JAK2: variants seen among roughly 807,000 people sequenced by gnomAD.
JAK2 encodes Janus kinase 2.
In JAK2, 86 loss-of-function variants were observed where a neutral mutation model predicts 139.3. The observed-to-expected ratio is 0.62, with a 90% CI of 0.52 to 0.74. The LOEUF (loss-of-function observed/expected upper bound fraction) is 0.74, where lower values mean the gene tolerates loss of function less well. JAK2 is among the 30% of genes least tolerant of loss of function. The pLI is 0.00. For synonymous variants in JAK2, 490 were observed against 437.7 expected (o/e 1.12, Z -1.49); for missense variants, 1,421 against 1,360.3 (o/e 1.04, Z -0.70).
chr9:5,121,070 A>T (rs966871), intron 22 of JAK2, among the ~76,000 whole-genome samples: 58,519 of 152,016 alleles, frequency 0.38, 12,870 homozygotes, highest in African/African-American at 0.62. Context: ...AATCTGATGA[A>T]GAGACCCTGG....
At chr9:5,090,391 T>C (rs1820485673) in intron 20 of JAK2, 55 bp from the exon 21 acceptor site, 23 of 1,263,990 alleles carry the variant, frequency 1.8e-5, no homozygotes, top group Non-Finnish European at 2.4e-5. Context: ...TTTTCTAATA[T>C]TTAATCAGTA....
At position 5,061,226 on chromosome 9, in the gene JAK2, C is replaced by T. The variant is rs547894345; in HGVS notation, c.1057-3657C>T. On this transcript the variant is annotated intron_variant, in intron 8 of 24. Coordinates refer to ENST00000381652, the MANE Select transcript of JAK2 (RefSeq NM_004972.4). ...ATGAGCGCTGGTTTGAATTTCAAGT[C>T]ACCAATGGCATAGGCCCTTAGCAAG... Among the ~76,000 whole-genome samples, 3 of 152,342 alleles carry T rather than the reference C, an allele frequency of 2.0e-5. No homozygotes were observed. The South Asian group carries it at 6.2e-4, about 32-fold the overall frequency.
upstream of JAK2, chr9:4,984,955 G>T (rs973264256): frequency 3.3e-5 from 5 of 152,280 alleles, no homozygotes; most frequent in Non-Finnish European, 7.3e-5. Context: ...CGCGCTCGCC[G>T]GCTTCCCGAG....
At chr9:5,078,179 C>A (rs1176477747) in intron 15 of JAK2, 127 bp from the exon 16 acceptor site, 2 of 692,146 alleles carry the variant, frequency 2.9e-6, no homozygotes, top group South Asian at 5.2e-5. Context: ...TTTCTCAATG[C>A]ATGCCTCCAA....
chr9:5,115,153 G>C (rs1488466328), intron 22 of JAK2, among the ~76,000 whole-genome samples: 1 of 152,050 alleles, frequency 6.6e-6, no homozygotes, highest in Non-Finnish European at 1.5e-5. Context: ...AAAATTTTTT[G>C]CAATCTAGCC....
In JAK2 at chr9:5,109,443, T is replaced by C. The variant is rs150477168; in HGVS notation, c.3060-13561T>C. 9.2e-4 allele frequency: 140 copies of C among 152,264 alleles called. 1 individual carries two copies. The highest frequency in any genetic ancestry group is 3.1e-3 in the African/African-American group (130 of 41,528). The allele number at this position is 152,264 out of a possible 1,614,324, so 9.4% of individuals were successfully genotyped here. On this transcript the variant is annotated intron_variant, in intron 22 of 24. Transcript: ENST00000381652. Reference sequence around the variant, plus strand: ...CTCAACTTTTAAAGGATTGGAGTCATCCGTTGGCCTTAGGAACCAAAAACA... The same window carrying C: ...CTCAACTTTTAAAGGATTGGAGTCACCCGTTGGCCTTAGGAACCAAAAACA...
chr9:5,114,444 C>T (rs1184288999), intron 22 of JAK2: 1 of 481,420 alleles, frequency 2.1e-6, no homozygotes, highest in Non-Finnish European at 4.1e-6. Flanking sequence ...CAGGGTGACC[C>T]ACACCCACCT....
At chr9:5,114,195 T>TTAAAAAA in intron 22 of JAK2, 1 of 472,898 alleles carries the variant, frequency 2.1e-6, no homozygotes, top group South Asian at 1.8e-5. Flanking sequence ...GGTGAGCACC[T>TTAAAAAA]ACCTGAGCCG....
At chr9:5,003,602 T>A (rs1375705175) in intron 2 of JAK2, among the ~76,000 whole-genome samples, 1 of 152,114 alleles carries the variant, frequency 6.6e-6, no homozygotes, top group South Asian at 2.1e-4. Context: ...ACTCAGTGAT[T>A]GGTAGATTCT....
At position 5,078,358 on chromosome 9, in the gene JAK2, T is replaced by A. The variant is rs2130590460; in HGVS notation, c.2045T>A (p.Ile682Asn). 6.2e-7 allele frequency: 1 copy of A among 1,612,624 alleles called. No homozygotes were observed. The highest frequency in any genetic ancestry group is 1.1e-5 in the South Asian group (1 of 91,028). Reference sequence around the variant, plus strand: ...GTATGTGCCAAAAATATTCTGCTTATCAGAGAAGAAGACAGGAAGACAGGA... The same window carrying A: ...GTATGTGCCAAAAATATTCTGCTTAACAGAGAAGAAGACAGGAAGACAGGA... Reference protein sequence around the residue: ...GNVCAKNILLIREEDRKTGNP... With the variant: ...GNVCAKNILLNREEDRKTGNP... Residue 682 changes from isoleucine to asparagine, a missense_variant, in exon 16 of 25, where the codon ATC becomes AAC. Ile to Asn is a moderately radical substitution (Grantham distance 149). Coordinates refer to ENST00000381652, the MANE Select transcript of JAK2 (RefSeq NM_004972.4).
intron 20 of JAK2, among the ~76,000 whole-genome samples, chr9:5,090,205 T>TA: frequency 2.0e-5 from 3 of 152,214 alleles, no homozygotes; most frequent in Non-Finnish European, 4.4e-5. Flanking sequence ...TCAGTTTATT[T>TA]TGGTTTGCCT....
chr9:5,046,316 T>A (rs761294303), intron 5 of JAK2, among the ~76,000 whole-genome samples: 6 of 152,206 alleles, frequency 3.9e-5, no homozygotes, highest in East Asian at 1.9e-4. Flanking sequence ...TAACTCCTTA[T>A]AAGATACATG....
intron 22 of JAK2, among the ~76,000 whole-genome samples, chr9:5,093,794 T>A (rs1263233029): frequency 2.6e-5 from 4 of 152,154 alleles, no homozygotes; most frequent in Non-Finnish European, 5.9e-5. Context: ...CGATGTTGGA[T>A]CAGGACATCC....
chr9:5,021,903 G>C (rs1822455690), intron 2 of JAK2, 60 bp from the exon 3 acceptor site: 2 of 986,504 alleles, frequency 2.0e-6, no homozygotes, highest in Non-Finnish European at 3.1e-6. Flanking sequence ...AAAGTGCTAG[G>C]ATTACAGGTG....
Position 5,123,086 on chromosome 9 carries a change from T to C in JAK2, c.3142T>C (p.Phe1048Leu). 1 of 1,610,292 alleles carries C rather than the reference T, an allele frequency of 6.2e-7. No individual in the cohort carries two copies. Among genetic ancestry groups the C allele is most frequent in the Non-Finnish European group, 8.5e-7 (1 of 1,177,762 alleles). ...WSFGVVLYEL[F>L]TYIEKSKSPP... ...CTTTGGAGTGGTTCTGTATGAACTT[T>C]TCACATACATTGAGAAGAGTAAAAG... Residue 1048 changes from phenylalanine (F) to leucine (L), a missense_variant, in exon 23 of 25, where the codon TTC (phenylalanine) becomes CTC (leucine). Coordinates refer to ENST00000381652, the MANE Select transcript of JAK2 (RefSeq NM_004972.4).
intron 13 of JAK2, 135 bp downstream of exon 13, chr9:5,072,761 C>T: frequency 3.9e-6 from 2 of 515,656 alleles, no homozygotes; most frequent in Admixed American, 8.3e-5. Flanking sequence ...TCTGAGGATA[C>T]ATTCTTGTGG....
rs551219457 is a variant in JAK2 at position 5,069,966 on chromosome 9, G to A, written c.1555G>A (p.Asp519Asn). ...AGTCTTCAGAACGAATGGTGTTTCTGATGTACCAACCTCACCAACATTACA... is the reference window on the plus strand; with the variant it reads ...AGTCTTCAGAACGAATGGTGTTTCTAATGTACCAACCTCACCAACATTACA... ...LLVFRTNGVSDVPTSPTLQRP... is the reference protein window; with the variant it reads ...LLVFRTNGVSNVPTSPTLQRP... The change falls in exon 12 of 25, where the codon GAT (aspartate) becomes AAT (asparagine). Residue 519 changes from aspartate to asparagine, a missense_variant. Asp to Asn is a conservative substitution (Grantham distance 23). Transcript: ENST00000381652. 2 of 1,606,782 alleles carry A rather than the reference G, an allele frequency of 1.2e-6. No individual in the cohort carries two copies. Among genetic ancestry groups the A allele is most frequent in the Admixed American group, 1.7e-5 (1 of 59,608 alleles).
At chr9:5,089,487 G>A (rs1211963473) in intron 19 of JAK2, among the ~76,000 whole-genome samples, 187 bp from the exon 20 acceptor site, 1 of 136,810 alleles carries the variant, frequency 7.3e-6, no homozygotes. Flanking sequence ...GCAGTGAGCC[G>A]AGATCGTGCC....
chr9:5,084,011 A>G (rs1004650061), intron 19 of JAK2, among the ~76,000 whole-genome samples: 28 of 152,102 alleles, frequency 1.8e-4, no homozygotes, highest in African/African-American at 6.8e-4. Context: ...ACCATAATTT[A>G]TTTACAACAT....
Sources: gnomAD v4.1 joint callset for allele counts (sites outside exome capture counted in the v4.1 genomes callset) on GRCh38, gnomAD v4.1.1 for gene constraint, MANE v1.5 for transcripts, NCBI Gene and HGNC (gene_info 2026-07-23, HGNC 2026-07-21) for gene names.